Variants in SDK1 observed in about 807,000 individuals in gnomAD.
SDK1 encodes sidekick cell adhesion molecule 1.
SDK1 carries 157 observed loss-of-function variants against 245.5 expected under a neutral mutation model. The ratio of observed to expected loss-of-function variants is 0.64; its 90% confidence interval spans 0.56 to 0.73. The LOEUF is 0.73. SDK1 is among the 30% of genes least tolerant of loss of function. SDK1 has a pLI of 0.00. For synonymous variants in SDK1, 1,647 were observed against 1,278.5 expected (o/e 1.29, Z -6.15); for missense variants, 3,583 against 3,002.3 (o/e 1.19, Z -4.52).
At position 3,329,461 on chromosome 7, in the gene SDK1, C is replaced by T. The variant is rs374687314; in HGVS notation, c.298+27577C>T. ...TTAGAGTTCAGAGTTGTGCAACTCT[C>T]AGTAGTCAATTTCAGAGTATTTTCT... On this transcript the variant is annotated intron_variant, in intron 1 of 44. Coordinates refer to ENST00000404826, the MANE Select transcript of SDK1 (RefSeq NM_152744.4). Among the ~76,000 whole-genome samples, 92 of 152,272 alleles carry T rather than the reference C, an allele frequency of 6.0e-4. 2 individuals carry two copies. The South Asian group carries it at 0.019, about 31-fold the overall frequency.
intron 10 of SDK1, among the ~76,000 whole-genome samples, chr7:3,968,042 G>A (rs943109784): frequency 3.3e-5 from 5 of 152,254 alleles, no homozygotes; most frequent in Non-Finnish European, 7.3e-5. Context: ...AGTGCCTCAG[G>A]CCTCCTCGGG....
rs1235949761 is a variant in SDK1, at chr7:4,067,907, A to G, written c.2981A>G (p.Glu994Gly). 6.2e-7 allele frequency: 1 copy of G among 1,612,874 alleles called. No homozygotes were observed. The highest frequency in any genetic ancestry group is 8.5e-7 in the Non-Finnish European group (1 of 1,179,462). The change falls in exon 20 of 45, where the codon GAG becomes GGG. Residue 994 changes from glutamate (E) to glycine (G), a missense_variant. Transcript: ENST00000404826. Reference sequence around the variant, plus strand: ...ACATCTCTCAAGGTCAGCTGGCAGGAGCCCCTGGAGAAAAATGGCATCATT... The same window carrying G: ...ACATCTCTCAAGGTCAGCTGGCAGGGGCCCCTGGAGAAAAATGGCATCATT... ...LDTSLKVSWQ[E>G]PLEKNGIITG... is the part of the protein sequence containing the mutation.
chr7:3,844,818 C>A (rs1780237718), intron 5 of SDK1, among the ~76,000 whole-genome samples: 1 of 152,128 alleles, frequency 6.6e-6, no homozygotes, highest in African/African-American at 2.4e-5. Context: ...TAAACAAGAG[C>A]CCTAATTTTT....
chr7:3,473,363 C>A (rs917162161), intron 1 of SDK1, among the ~76,000 whole-genome samples: 1 of 152,230 alleles, frequency 6.6e-6, no homozygotes, highest in Non-Finnish European at 1.5e-5. Context: ...CAAATGCTTA[C>A]AATAATTACT....
chr7:3,549,828 C>G (rs1481775810), intron 1 of SDK1, among the ~76,000 whole-genome samples: 1 of 151,966 alleles, frequency 6.6e-6, no homozygotes, highest in African/African-American at 2.4e-5. Context: ...TAACAGAGAT[C>G]TGAATCATGA....
At chr7:3,951,147 T>A in intron 6 of SDK1, 113 bp downstream of exon 6, 1 of 795,538 alleles carries the variant, frequency 1.3e-6, no homozygotes, top group Admixed American at 2.2e-5. Flanking sequence ...GACAGTGGTC[T>A]TGTTTGGCCG....
intron 33 of SDK1, among the ~76,000 whole-genome samples, chr7:4,174,574 T>C (rs1782065768): frequency 6.6e-6 from 1 of 152,120 alleles, no homozygotes; most frequent in Non-Finnish European, 1.5e-5. Flanking sequence ...AGAGGGGCCT[T>C]GTCTACCACA....
intron 1 of SDK1, among the ~76,000 whole-genome samples, chr7:3,555,818 C>T (rs537415752): frequency 5.3e-5 from 8 of 152,182 alleles, no homozygotes; most frequent in South Asian, 2.1e-4. Context: ...GTGTATTAAA[C>T]GTCATTGATC....
intron 5 of SDK1, among the ~76,000 whole-genome samples, chr7:3,883,534 C>T (rs1267640106): frequency 6.6e-6 from 1 of 152,196 alleles, no homozygotes; most frequent in African/African-American, 2.4e-5. Flanking sequence ...AGAAATTCAT[C>T]CAGTAACCAG....
At chr7:3,378,789 T>C (rs1335440204) in intron 1 of SDK1, among the ~76,000 whole-genome samples, 1 of 151,760 alleles carries the variant, frequency 6.6e-6, no homozygotes, top group Non-Finnish European at 1.5e-5. Context: ...CGGGGCAGGG[T>C]ATTCACTCTG....
At chr7:4,255,914 C>CTTTTT (rs34810935) in intron 44 of SDK1, among the ~76,000 whole-genome samples, 50 of 104,084 alleles carry the variant, frequency 4.8e-4, no homozygotes, top group South Asian at 6.8e-4. Context: ...TTTCCAAATA[C>CTTTTT]TTTTTTTTTT....
intron 5 of SDK1, among the ~76,000 whole-genome samples, chr7:3,840,418 T>G (rs1264569100): frequency 6.6e-6 from 1 of 152,196 alleles, no homozygotes; most frequent in East Asian, 1.9e-4. Flanking sequence ...CAGGACTTTG[T>G]TTTAGTCCTC....
chr7:4,083,729 C>G (rs962145510), intron 22 of SDK1, among the ~76,000 whole-genome samples: 27 of 1,842 alleles, frequency 0.015, 1 homozygote, highest in Middle Eastern at 0.25. Flanking sequence ...TTCTTTACTT[C>G]CTCCATCCCT....
chr7:4,255,921 T>C (rs1787593832), intron 44 of SDK1, among the ~76,000 whole-genome samples: 1 of 146,206 alleles, frequency 6.8e-6, no homozygotes, highest in Non-Finnish European at 1.5e-5. Flanking sequence ...ATACTTTTTT[T>C]TTTTTTTTTT....
chr7:4,136,497 A>T (rs1205628307), intron 28 of SDK1, among the ~76,000 whole-genome samples: 1 of 152,228 alleles, frequency 6.6e-6, no homozygotes, highest in Non-Finnish European at 1.5e-5. Context: ...TCCAAAAGAG[A>T]TTAACAGCGT....
intron 1 of SDK1, among the ~76,000 whole-genome samples, chr7:3,388,586 A>G (rs2128569250): frequency 6.6e-6 from 1 of 151,038 alleles, no homozygotes; most frequent in East Asian, 1.9e-4. Context: ...AACTTTGATG[A>G]TATAATACTC....
chr7:3,546,467 T>TA (rs1779229740), intron 1 of SDK1, among the ~76,000 whole-genome samples: 1 of 152,230 alleles, frequency 6.6e-6, no homozygotes, highest in Non-Finnish European at 1.5e-5. Context: ...CTTCTTACAA[T>TA]ATCCTACAGA....
intron 4 of SDK1, among the ~76,000 whole-genome samples, chr7:3,715,944 G>A (rs1348296158): frequency 6.6e-6 from 1 of 152,130 alleles, no homozygotes; most frequent in Non-Finnish European, 1.5e-5. Flanking sequence ...CAGCAAAGAA[G>A]AAGAAATTAT....
At chr7:3,958,230 A>T in intron 7 of SDK1, 1 of 282,870 alleles carries the variant, frequency 3.5e-6, no homozygotes, top group South Asian at 3.0e-5. Flanking sequence ...TTAATACTTG[A>T]CAAACTTGGC....
Sources: gnomAD v4.1 joint callset for allele counts (sites outside exome capture counted in the v4.1 genomes callset) on GRCh38, gnomAD v4.1.1 for gene constraint, MANE v1.5 for transcripts, NCBI Gene and HGNC (gene_info 2026-07-23, HGNC 2026-07-21) for gene names.